The following PTER variants were observed in gnomAD, a reference collection of about 807,000 sequenced individuals.
PTER encodes the protein N-acetyltaurine hydrolase.
In PTER, 38 loss-of-function variants were observed where a neutral mutation model predicts 29.6. The observed-to-expected ratio is 1.28, with a 90% CI of 0.99 to 1.68. The LOEUF is 1.68. Among genes scored for constraint, PTER ranks in the 40% most tolerant of loss-of-function variants. The pLI is 0.00. For synonymous variants in PTER, 172 were observed against 154.5 expected (o/e 1.11, Z -0.84); for missense variants, 482 against 427.8 (o/e 1.13, Z -1.12).
intron 1 of PTER, among the ~76,000 whole-genome samples, chr10:16,460,932 G>A (rs1231318752): frequency 6.6e-6 from 1 of 152,064 alleles, no homozygotes; most frequent in East Asian, 1.9e-4. Context: ...GGCCAGGCTG[G>A]TCTCGAACTC....
chr10:16,450,420 T>TG (rs1374637310), intron 1 of PTER, among the ~76,000 whole-genome samples: 4 of 152,122 alleles, frequency 2.6e-5, no homozygotes, highest in Non-Finnish European at 5.9e-5. Context: ...CTGTTTCCTC[T>TG]GGTTAAAGAA....
At chr10:16,460,537 AT>A (rs1225758162) in intron 1 of PTER, among the ~76,000 whole-genome samples, 8 of 152,196 alleles carry the variant, frequency 5.3e-5, no homozygotes, top group African/African-American at 1.9e-4. Context: ...AGCATTATAC[AT>A]TTTAATACTT....
chr10:16,439,375 T>A (rs1833769773), intron 1 of PTER, among the ~76,000 whole-genome samples: 1 of 152,174 alleles, frequency 6.6e-6, no homozygotes, highest in African/African-American at 2.4e-5. Context: ...TAATATCCTT[T>A]GAAGTGTCAG....
Position 16,446,019 on chromosome 10 carries a change from T to G in PTER, c.-49+8972T>G, listed in dbSNP as rs140941474. Among the ~76,000 whole-genome samples, 4 of 152,290 alleles carry G rather than the reference T, an allele frequency of 2.6e-5. No homozygotes were observed. In the East Asian group the frequency reaches 7.7e-4, roughly 29 times the overall value. ...CTTGCCCCGTTATCATTTAGTAAAG[T>G]GCATCTTCAAGAGTGTTTCTCTTTC... On this transcript the variant is annotated intron_variant, in intron 1 of 4. Transcript: ENST00000535784.
chr10:16,468,743 GT>G (rs1427970220), intron 1 of PTER, among the ~76,000 whole-genome samples: 3 of 152,282 alleles, frequency 2.0e-5, no homozygotes, highest in African/African-American at 7.2e-5. Context: ...GGGGGCCAAG[GT>G]GGGAGGATCC....
intron 3 of PTER, 167 bp downstream of exon 3, chr10:16,486,784 C>A: frequency 1.3e-6 from 1 of 755,286 alleles, no homozygotes; most frequent in Non-Finnish European, 2.1e-6. Context: ...GAATAAAAGT[C>A]AATGCTGCCA....
chr10:16,463,439 C>T (rs1834696205), intron 1 of PTER, among the ~76,000 whole-genome samples: 1 of 152,056 alleles, frequency 6.6e-6, no homozygotes, highest in Non-Finnish European at 1.5e-5. Context: ...GAGACCAAGT[C>T]TCGCTCTTAT....
chr10:16,506,093 C>T (rs1455988617), intron 4 of PTER, among the ~76,000 whole-genome samples: 1 of 151,586 alleles, frequency 6.6e-6, no homozygotes, highest in Admixed American at 6.6e-5. Flanking sequence ...GGCAGAAGGG[C>T]TTGAATGCCG....
At position 16,512,084 on chromosome 10, in the gene PTER, C is replaced by T. The variant is rs1238287514; in HGVS notation, c.*828C>T. 1.3e-5 allele frequency: 2 copies of T among 151,842 alleles called. No individual in the cohort carries two copies. The highest frequency in any genetic ancestry group is 2.9e-5 in the Non-Finnish European group (2 of 67,850). 9.4% of individuals were successfully genotyped at this position (151,842 alleles called of 1,614,324 possible). On this transcript the variant is annotated 3_prime_UTR_variant, in exon 5 of 5. Coordinates refer to ENST00000535784, the MANE Select transcript of PTER (RefSeq NM_001261836.2). ...GCAAAAAAAAAAAGAGAAATGTTTG[C>T]CTTATGTATATTCCCTTTATTTCCT... is the stretch of plus-strand genomic sequence containing the variant.
rs1044614908 is a variant in PTER at position 16,444,660 on chromosome 10, T to G, written c.-49+7613T>G. Among the ~76,000 whole-genome samples the G allele has an allele frequency of 1.1e-4, 16 of 152,246 alleles. 1 individual carries two copies. Among genetic ancestry groups the G allele is most frequent in the Admixed American group, 8.5e-4 (13 of 15,296 alleles). On this transcript the variant is annotated intron_variant, in intron 1 of 4. Coordinates refer to ENST00000535784, the MANE Select transcript of PTER (RefSeq NM_001261836.2). Reference sequence around the variant, plus strand: ...CTCCCACCTCGGCCTCCCAAAATGCTAGGATCACAGGCATGAGCCACCACA... The same window carrying G: ...CTCCCACCTCGGCCTCCCAAAATGCGAGGATCACAGGCATGAGCCACCACA...
chr10:16,468,843 C>T (rs889702288), intron 1 of PTER, among the ~76,000 whole-genome samples: 5 of 151,960 alleles, frequency 3.3e-5, no homozygotes, highest in East Asian at 1.9e-4. Flanking sequence ...GGTGTGGCAA[C>T]GTGCACTTGT....
intron 1 of PTER, among the ~76,000 whole-genome samples, chr10:16,443,363 C>T (rs1345783520): frequency 6.6e-6 from 1 of 152,164 alleles, no homozygotes; most frequent in Non-Finnish European, 1.5e-5. Flanking sequence ...CAACCACATC[C>T]TAAGGTGCTG....
At chr10:16,462,481 A>G (rs1451635919) in intron 1 of PTER, among the ~76,000 whole-genome samples, 1 of 152,108 alleles carries the variant, frequency 6.6e-6, no homozygotes, top group Non-Finnish European at 1.5e-5. Flanking sequence ...TCCTAAGGGT[A>G]GAACCAAGAG....
rs74127524 is a variant in PTER at position 16,464,044 on chromosome 10, T to C, written c.-48-20293T>C. Among the ~76,000 whole-genome samples, 456 of 152,302 alleles carry C rather than the reference T, an allele frequency of 3.0e-3. 4 individuals carry two copies. The highest frequency in any genetic ancestry group is 9.4e-3 in the African/African-American group (390 of 41,564). ...GTTGATCCCTTGCCTACTTCACCGG[T>C]ACATTAGGAGATTTAATTAAAGTGT... On this transcript the variant is annotated intron_variant, in intron 1 of 4. Coordinates refer to ENST00000535784, the MANE Select transcript of PTER (RefSeq NM_001261836.2).
chr10:16,486,593 A>G lies in PTER; in HGVS notation c.674A>G (p.Lys225Arg), dbSNP rs762019634. Residue 225 changes from lysine (K) to arginine (R), a missense_variant, in exon 3 of 5, where the codon AAA becomes AGA. Physicochemically the swap from Lys to Arg is conservative, Grantham distance 26 (BLOSUM62 2). Transcript: ENST00000535784. ...CAAGAAGCAGGCGCAGACATCTCCA[A>G]AACAGTCATGTCACACCTGGATAGG... ...ILQEAGADIS[K>R]TVMSHLDRTI... The G allele has an allele frequency of 1.2e-6, 2 of 1,613,708 alleles. No individual in the cohort carries two copies. The highest frequency in any genetic ancestry group is 1.1e-5 in the South Asian group (1 of 91,036).
At chr10:16,486,813 G>A in intron 3 of PTER, 196 bp downstream of exon 3, 1 of 593,112 alleles carries the variant, frequency 1.7e-6, no homozygotes, top group Non-Finnish European at 2.9e-6. Context: ...TCCCTCCTCT[G>A]TGTCAGATAG....
At chr10:16,482,472 C>A (rs1172528752) in intron 1 of PTER, among the ~76,000 whole-genome samples, 1 of 152,214 alleles carries the variant, frequency 6.6e-6, no homozygotes, top group Non-Finnish European at 1.5e-5. Context: ...CCAAATGCAT[C>A]TACAGGTATT....
chr10:16,479,248 C>T (rs1835390353), intron 1 of PTER, among the ~76,000 whole-genome samples: 1 of 152,106 alleles, frequency 6.6e-6, no homozygotes, highest in African/African-American at 2.4e-5. Context: ...GGATTTCTTT[C>T]TTTTCATTCA....
chr10:16,473,746 T>C (rs895473650), intron 1 of PTER, among the ~76,000 whole-genome samples: 4 of 152,140 alleles, frequency 2.6e-5, no homozygotes, highest in African/African-American at 9.7e-5. Flanking sequence ...GAAAGAGATA[T>C]TGGAGAAATG....
Sources: gnomAD v4.1 joint callset for allele counts (sites outside exome capture counted in the v4.1 genomes callset) on GRCh38, gnomAD v4.1.1 for gene constraint, MANE v1.5 for transcripts, NCBI Gene and HGNC (gene_info 2026-07-23, HGNC 2026-07-21) for gene names.